Variants in ADAMTSL1 observed in about 807,000 individuals in gnomAD.
ADAMTSL1 encodes the protein ADAMTS-like protein 1.
ADAMTSL1 carries 126 observed loss-of-function variants against 201.8 expected under a neutral mutation model. The ratio of observed to expected loss-of-function variants is 0.62; its 90% CI spans 0.54 to 0.72. ADAMTSL1 has a LOEUF of 0.72. Ranked by LOEUF, ADAMTSL1 falls within the 30% of genes least tolerant of loss-of-function variation. The probability of loss-of-function intolerance (pLI) is 0.00; values close to 1 mark genes in which losing one functional copy is unlikely to be tolerated. For synonymous variants in ADAMTSL1, 1,121 were observed against 903.4 expected (o/e 1.24, Z -4.32); for missense variants, 2,679 against 2,277.8 (o/e 1.18, Z -3.59).
intron 1 of ADAMTSL1, among the ~76,000 whole-genome samples, chr9:18,001,537 C>G (rs1819611830): frequency 6.6e-6 from 1 of 152,072 alleles, no homozygotes; most frequent in Admixed American, 6.6e-5. Flanking sequence ...TGCATCTAAT[C>G]TTAGAACGGG....
intron 2 of ADAMTSL1, among the ~76,000 whole-genome samples, chr9:18,510,226 G>T (rs1445525185): frequency 6.6e-6 from 1 of 152,170 alleles, no homozygotes; most frequent in Non-Finnish European, 1.5e-5. Flanking sequence ...AGATTACTTA[G>T]ATTTTGTGGA....
chr9:18,891,774 T>A lies in ADAMTSL1; in HGVS notation c.4644-615T>A, dbSNP rs575703048. On this transcript the variant is annotated intron_variant, in intron 25 of 28. Coordinates refer to ENST00000380548, the MANE Select transcript of ADAMTSL1 (RefSeq NM_001040272.6). Reference sequence around the variant, plus strand: ...TGACTTCAGTGAGGCCCAGATTACTTTCCAGGTCAGGAGGTGACACGAATT... The same window carrying A: ...TGACTTCAGTGAGGCCCAGATTACTATCCAGGTCAGGAGGTGACACGAATT... Among the ~76,000 whole-genome samples the A allele has an allele frequency of 2.0e-5, 3 of 152,324 alleles. No homozygotes were observed. In the East Asian group the frequency reaches 5.8e-4, roughly 29 times the overall value.
At chr9:18,193,819 T>C (rs1003042769) in intron 2 of ADAMTSL1, among the ~76,000 whole-genome samples, 1 of 152,160 alleles carries the variant, frequency 6.6e-6, no homozygotes, top group African/African-American at 2.4e-5. Flanking sequence ...TGACTGCCCT[T>C]TTCTTTATCC....
chr9:18,602,056 G>A (rs1014489590), intron 4 of ADAMTSL1, among the ~76,000 whole-genome samples: 2 of 152,138 alleles, frequency 1.3e-5, no homozygotes, highest in Non-Finnish European at 1.5e-5. Context: ...TGTAAGCAGG[G>A]CAATGCAGTA....
intron 1 of ADAMTSL1, among the ~76,000 whole-genome samples, chr9:17,929,463 A>T (rs1295945335): frequency 6.6e-6 from 1 of 152,020 alleles, no homozygotes; most frequent in African/African-American, 2.4e-5. Context: ...GAAAACCCTT[A>T]TTATGAATAT....
chr9:18,885,624 T>C (rs1408266759), intron 23 of ADAMTSL1, among the ~76,000 whole-genome samples: 1 of 152,154 alleles, frequency 6.6e-6, no homozygotes, highest in Non-Finnish European at 1.5e-5. Context: ...AGTGAAGAAT[T>C]GGATCATATA....
At chr9:18,564,480 A>G (rs1213425625) in intron 3 of ADAMTSL1, among the ~76,000 whole-genome samples, 1 of 152,148 alleles carries the variant, frequency 6.6e-6, no homozygotes, top group African/African-American at 2.4e-5. Flanking sequence ...CCCCTGCCTC[A>G]CTTGTAAATA....
intron 1 of ADAMTSL1, among the ~76,000 whole-genome samples, chr9:17,991,409 AG>A (rs1286036371): frequency 6.6e-6 from 1 of 152,172 alleles, no homozygotes. Flanking sequence ...CCTGGTAAAA[AG>A]GTTCTAATCC....
intron 2 of ADAMTSL1, among the ~76,000 whole-genome samples, chr9:18,349,285 G>A (rs1339264534): frequency 6.6e-6 from 1 of 152,200 alleles, no homozygotes; most frequent in African/African-American, 2.4e-5. Flanking sequence ...GCAAAGAACA[G>A]TAAATTCAGA....
rs142032276 is a variant in ADAMTSL1, at chr9:17,982,106, A to G, written c.87+75184A>G. Among the ~76,000 whole-genome samples, 691 of 152,272 alleles carry G rather than the reference A, an allele frequency of 4.5e-3. 5 individuals carry two copies. Among genetic ancestry groups the G allele is most frequent in the African/African-American group, 0.016 (668 of 41,552 alleles). On this transcript the variant is annotated intron_variant, in intron 1 of 29. Transcript: ENST00000680146. ...CCATATGGATAGTTCTCTTTTAAAT[A>G]CTGGTGTTCCTCTCTCTTGTTTTAT...
intron 1 of ADAMTSL1, among the ~76,000 whole-genome samples, chr9:17,927,918 T>C (rs949505418): frequency 2.0e-5 from 3 of 152,252 alleles, no homozygotes; most frequent in African/African-American, 7.2e-5. Flanking sequence ...TTTTTGGCTG[T>C]TGTGAATAAT....
At chr9:18,624,052 C>A (rs957494276) in intron 5 of ADAMTSL1, among the ~76,000 whole-genome samples, 10 of 152,050 alleles carry the variant, frequency 6.6e-5, no homozygotes, top group Non-Finnish European at 1.3e-4. Context: ...AAGGATTAGC[C>A]TCGAGGTAAA....
At chr9:18,615,040 A>G (rs1055089718) in intron 4 of ADAMTSL1, among the ~76,000 whole-genome samples, 3 of 152,330 alleles carry the variant, frequency 2.0e-5, no homozygotes, top group Middle Eastern at 3.4e-3. Context: ...GATTCAGCTT[A>G]TTTGTATAAT....
chr9:18,679,846 A>G (rs1426420010), intron 10 of ADAMTSL1, among the ~76,000 whole-genome samples: 7 of 152,130 alleles, frequency 4.6e-5, no homozygotes, highest in Non-Finnish European at 7.4e-5. Flanking sequence ...AAAAATACCT[A>G]GAAGTTAAGT....
intron 2 of ADAMTSL1, among the ~76,000 whole-genome samples, chr9:18,326,821 G>A (rs977912972): frequency 5.3e-5 from 8 of 152,110 alleles, no homozygotes; most frequent in African/African-American, 1.7e-4. Context: ...CTAATGTGGA[G>A]CTTTTATATG....
intron 1 of ADAMTSL1, among the ~76,000 whole-genome samples, chr9:18,107,444 A>G (rs1824807168): frequency 1.3e-5 from 2 of 152,322 alleles, no homozygotes; most frequent in East Asian, 1.9e-4. Context: ...GTAGAAATCC[A>G]CAGTGACAGA....
chr9:17,951,320 C>T (rs1388861326), intron 1 of ADAMTSL1, among the ~76,000 whole-genome samples: 2 of 152,104 alleles, frequency 1.3e-5, no homozygotes, highest in African/African-American at 2.4e-5. Flanking sequence ...ATGAGTCTGC[C>T]CAGAGTTTCT....
chr9:18,179,994 CA>C (rs552086949), intron 2 of ADAMTSL1, among the ~76,000 whole-genome samples: 1 of 151,804 alleles, frequency 6.6e-6, no homozygotes, highest in Non-Finnish European at 1.5e-5. Flanking sequence ...CAGCTAACAT[CA>C]TAATGACAGG....
At chr9:18,362,873 A>T (rs1050078118) in intron 2 of ADAMTSL1, among the ~76,000 whole-genome samples, 10 of 152,224 alleles carry the variant, frequency 6.6e-5, no homozygotes, top group Non-Finnish European at 1.3e-4. Context: ...TGAAAGCAAC[A>T]AACTGTTGAT....
Sources: gnomAD v4.1 joint callset for allele counts (sites outside exome capture counted in the v4.1 genomes callset) on GRCh38, gnomAD v4.1.1 for gene constraint, MANE v1.5 for transcripts, NCBI Gene and HGNC (gene_info 2026-07-23, HGNC 2026-07-21) for gene names.